Variants in AGBL4 observed in about 807,000 individuals in gnomAD.
AGBL4 encodes cytosolic carboxypeptidase 6.
AGBL4 carries 58 observed loss-of-function variants against 66.4 expected under a neutral mutation model. The ratio of observed to expected loss-of-function variants is 0.87; its 90% CI spans 0.71 to 1.09. The LOEUF is 1.09. Among genes scored for constraint, AGBL4 ranks in the 50% least tolerant of loss-of-function variants. The pLI, the probability that AGBL4 is intolerant of heterozygous loss-of-function variation, is 0.00. For synonymous variants in AGBL4, 234 were observed against 222.9 expected, an observed-to-expected ratio of 1.05 and a Z score of -0.44; for missense variants, 579 against 631.0, an observed-to-expected ratio of 0.92 and a Z score of 0.88.
At chr1:48,653,297 T>C in intron 8 of AGBL4, 40 bp downstream of exon 8, 1 of 1,466,954 alleles carries the variant, frequency 6.8e-7, no homozygotes, top group Non-Finnish European at 9.3e-7. Context: ...ACTACCATCC[T>C]ATAAGTACTT....
intron 4 of AGBL4, among the ~76,000 whole-genome samples, chr1:49,076,437 C>G (rs1644711694): frequency 6.6e-6 from 1 of 152,092 alleles, no homozygotes; most frequent in Non-Finnish European, 1.5e-5. Flanking sequence ...GACAGGGAGG[C>G]CCAATTGTAT....
chr1:48,595,095 C>T (rs923080001), intron 9 of AGBL4, among the ~76,000 whole-genome samples: 7 of 152,134 alleles, frequency 4.6e-5, no homozygotes, highest in Admixed American at 4.6e-4. Flanking sequence ...TTCATCTTGA[C>T]TAGTACAAAA....
chr1:48,736,250 C>T lies in AGBL4; in HGVS notation c.635-73009G>A, dbSNP rs1210858835. 3.1e-6 allele frequency: 5 copies of T among 1,613,938 alleles called. No individual in the cohort carries two copies. The highest frequency in any genetic ancestry group is 1.1e-5 in the South Asian group (1 of 91,074). On this transcript the variant is annotated intron_variant, in intron 6 of 13. Coordinates refer to ENST00000371839, the MANE Select transcript of AGBL4 (RefSeq NM_032785.4). The surrounding 1 kb of genome is among the most constrained non-coding windows in gnomAD (Gnocchi z 4.0). ...ACTCAGTGACCTACCTCTGACGATG[C>T]TTAGTTTGTGAGGCGAGAGGGGTGG...
chr1:49,926,705 T>G (rs2148253047), intron 1 of AGBL4, among the ~76,000 whole-genome samples: 1 of 152,076 alleles, frequency 6.6e-6, no homozygotes, highest in South Asian at 2.1e-4. Flanking sequence ...ATTGAAATAA[T>G]TAAAAAGAGT....
At chr1:49,007,545 C>T (rs939521537) in intron 5 of AGBL4, among the ~76,000 whole-genome samples, 2 of 149,488 alleles carry the variant, frequency 1.3e-5, no homozygotes. Context: ...AGATACTCCT[C>T]GAGAAGAGCA....
intron 2 of AGBL4, among the ~76,000 whole-genome samples, chr1:49,793,447 GAAT>G (rs1175326326): frequency 6.6e-6 from 1 of 151,956 alleles, no homozygotes; most frequent in Non-Finnish European, 1.5e-5. Context: ...TGTTGGAGTA[GAAT>G]AATAATAATA....
At chr1:48,876,823 T>C (rs1558058954) in intron 5 of AGBL4, among the ~76,000 whole-genome samples, 1 of 152,252 alleles carries the variant, frequency 6.6e-6, no homozygotes, top group Non-Finnish European at 1.5e-5. Context: ...TTCATGATTA[T>C]AAATTATTTT....
In AGBL4 at chr1:49,130,167, T is replaced by C. The variant is rs554779079; in HGVS notation, c.378-84367A>G. Reference sequence around the variant, plus strand: ...CCCACTTTTTGATGGGGTTGTTTGTTTTTTCTTGTAAATTTGTTTGAGTTC... The same window carrying C: ...CCCACTTTTTGATGGGGTTGTTTGTCTTTTCTTGTAAATTTGTTTGAGTTC... On this transcript the variant is annotated intron_variant, in intron 4 of 13. Coordinates refer to ENST00000371839, the MANE Select transcript of AGBL4 (RefSeq NM_032785.4). Among the ~76,000 whole-genome samples the C allele has an allele frequency of 2.7e-3, 405 of 152,314 alleles. 3 individuals are homozygous for C. The highest frequency in any genetic ancestry group is 9.2e-3 in the African/African-American group (383 of 41,570).
At chr1:49,197,658 A>G (rs1256028985) in intron 4 of AGBL4, among the ~76,000 whole-genome samples, 1 of 152,144 alleles carries the variant, frequency 6.6e-6, no homozygotes, top group African/African-American at 2.4e-5. Context: ...TGTCCTGACC[A>G]AGGGAGCTTT....
At chr1:49,692,862 C>T (rs1646916534) in intron 3 of AGBL4, among the ~76,000 whole-genome samples, 1 of 152,012 alleles carries the variant, frequency 6.6e-6, no homozygotes, top group South Asian at 2.1e-4. Flanking sequence ...TATTGTTAAA[C>T]ACTTCTTTTT....
intron 3 of AGBL4, among the ~76,000 whole-genome samples, chr1:49,521,307 A>C (rs913354770): frequency 2.0e-5 from 3 of 152,140 alleles, no homozygotes; most frequent in African/African-American, 7.2e-5. Flanking sequence ...AGTAAAAGCA[A>C]TCCTAAGTAA....
At chr1:48,910,488 A>C (rs2148880168) in intron 5 of AGBL4, among the ~76,000 whole-genome samples, 1 of 152,318 alleles carries the variant, frequency 6.6e-6, no homozygotes, top group Non-Finnish European at 1.5e-5. Context: ...GTCTTTCCAC[A>C]TCACCCAGAT....
rs145783114 is a variant in AGBL4 at position 49,423,992 on chromosome 1, T to C, written c.283-178128A>G. ...AGATACTAGTACTGGTTAGTGCTAATTTGAATCTCTGCTTCCTTCTCTGGC... is the reference window on the plus strand; with the variant it reads ...AGATACTAGTACTGGTTAGTGCTAACTTGAATCTCTGCTTCCTTCTCTGGC... On this transcript the variant is annotated intron_variant, in intron 3 of 13. Transcript: ENST00000371839. Among the ~76,000 whole-genome samples, 282 of 152,268 alleles carry C rather than the reference T, an allele frequency of 1.9e-3. 2 individuals carry two copies. The highest frequency in any genetic ancestry group is 6.4e-3 in the African/African-American group (267 of 41,568).
chr1:49,510,545 C>G (rs1325976865), intron 3 of AGBL4, among the ~76,000 whole-genome samples: 17 of 148,758 alleles, frequency 1.1e-4, no homozygotes, highest in Admixed American at 2.0e-4. Flanking sequence ...CCTGTTCACT[C>G]TGATGGTAGT....
At chr1:49,711,956 T>G (rs1486294421) in intron 2 of AGBL4, among the ~76,000 whole-genome samples, 1 of 151,960 alleles carries the variant, frequency 6.6e-6, no homozygotes, top group Non-Finnish European at 1.5e-5. Flanking sequence ...TTTGGAAAAA[T>G]TAATTCATTT....
At position 49,502,509 on chromosome 1, in the gene AGBL4, G is replaced by A. The variant is rs147209194; in HGVS notation, c.282+194804C>T. Among the ~76,000 whole-genome samples the A allele has an allele frequency of 2.6e-3, 393 of 152,154 alleles. 1 individual carries two copies. Among genetic ancestry groups the A allele is most frequent in the African/African-American group, 9.2e-3 (381 of 41,544 alleles). ...AAGTTGAAAGAGTTTGGAGGGCTCA[G>A]AAGACAAAAAATTGGGGGAAATTTT... On this transcript the variant is annotated intron_variant, in intron 3 of 13. Transcript: ENST00000371839.
chr1:48,853,668 T>A (rs1647081025), intron 6 of AGBL4, among the ~76,000 whole-genome samples: 2 of 152,180 alleles, frequency 1.3e-5, no homozygotes. Context: ...AACATATGTA[T>A]GTACTACAAA....
chr1:49,958,030 C>A (rs906087610), intron 1 of AGBL4, among the ~76,000 whole-genome samples: 1 of 152,014 alleles, frequency 6.6e-6, no homozygotes, highest in East Asian at 1.9e-4. Context: ...GTGCTTCCTT[C>A]AGGAGCTCTT....
chr1:48,984,176 C>A (rs1195139930), intron 5 of AGBL4, among the ~76,000 whole-genome samples: 2 of 151,998 alleles, frequency 1.3e-5, no homozygotes, highest in African/African-American at 4.8e-5. Flanking sequence ...ACAATCATGA[C>A]AGGCAGTAGA....
Sources: gnomAD v4.1 joint callset for allele counts (sites outside exome capture counted in the v4.1 genomes callset) on GRCh38, gnomAD v4.1.1 for gene constraint, Gnocchi (gnomAD v3.1) non-coding constraint, MANE v1.5 for transcripts, NCBI Gene and HGNC (gene_info 2026-07-23, HGNC 2026-07-21) for gene names.